Variants in ERMP1 observed in about 807,000 individuals in gnomAD.
ERMP1 encodes endoplasmic reticulum metallopeptidase 1.
A neutral mutation model predicts 92.0 loss-of-function variants in ERMP1; 86 were observed. That is an observed-to-expected ratio of 0.93 (90% CI 0.79 to 1.12). The LOEUF is 1.12. Ranked by LOEUF, ERMP1 falls within the 50% of genes most tolerant of loss-of-function variation. ERMP1 has a pLI of 0.00. For missense variants in ERMP1, 1,342 were observed against 1,116.3 expected (o/e 1.20, Z -2.88); for synonymous variants, 530 against 412.8 (o/e 1.28, Z -3.44).
At chr9:5,791,162 G>A (rs1172434262) in intron 13 of ERMP1, 1 of 454,594 alleles carries the variant, frequency 2.2e-6, no homozygotes. Context: ...GAAACCAACA[G>A]GATGTGTACA....
At chr9:5,803,812 G>A (rs931235691) in intron 10 of ERMP1, among the ~76,000 whole-genome samples, 1 of 152,028 alleles carries the variant, frequency 6.6e-6, no homozygotes, top group African/African-American at 2.4e-5. Context: ...TACCAATAAG[G>A]ATTATCCTTA....
At chr9:5,821,632 A>G (rs1327070827) in intron 4 of ERMP1, among the ~76,000 whole-genome samples, 1 of 152,218 alleles carries the variant, frequency 6.6e-6, no homozygotes, top group Non-Finnish European at 1.5e-5. Flanking sequence ...CGTACATAAA[A>G]TACTTATGCA....
intron 2 of ERMP1, among the ~76,000 whole-genome samples, chr9:5,828,139 T>C (rs1829797147): frequency 1.3e-5 from 2 of 152,136 alleles, no homozygotes; most frequent in African/African-American, 4.8e-5. Flanking sequence ...TCTCTATTAT[T>C]TAAAACATAA....
At position 5,838,961 on chromosome 9, in the gene ERMP1, G is replaced by C. The variant is rs141027758; in HGVS notation, n.3200-5649C>G. On this transcript the variant is annotated intron_variant and non_coding_transcript_variant, in intron 6 of 6. Coordinates refer to the ERMP1 transcript ENST00000690753. Reference sequence around the variant, plus strand: ...TTCCACCATTTCTGCCATGAGTTCAGTGTTCCCTTTAAGAGCCATGGGCCT... The same window carrying C: ...TTCCACCATTTCTGCCATGAGTTCACTGTTCCCTTTAAGAGCCATGGGCCT... Among the ~76,000 whole-genome samples, 98 of 152,278 alleles carry C rather than the reference G, an allele frequency of 6.4e-4. 2 individuals are homozygous for C. The highest frequency in any genetic ancestry group is 1.0e-3 in the South Asian group (5 of 4,820).
At chr9:5,840,166 TG>T (rs1356956005) in intron 6 of ERMP1, among the ~76,000 whole-genome samples, 3 of 152,000 alleles carry the variant, frequency 2.0e-5, no homozygotes, top group African/African-American at 7.3e-5. Flanking sequence ...CACTCGAACC[TG>T]GGAAGCTGAG....
At chr9:5,840,189 C>G (rs935054988) in intron 6 of ERMP1, among the ~76,000 whole-genome samples, 5 of 152,106 alleles carry the variant, frequency 3.3e-5, no homozygotes, top group African/African-American at 1.2e-4. Flanking sequence ...TTGCAGCGAG[C>G]TGTGATGACA....
intron 6 of ERMP1, among the ~76,000 whole-genome samples, chr9:5,844,645 C>T (rs1830213099): frequency 6.6e-6 from 1 of 152,196 alleles, no homozygotes; most frequent in Non-Finnish European, 1.5e-5. Flanking sequence ...TTGCGGAGAA[C>T]TGTCAAGGAG....
At chr9:5,798,360 G>C (rs1220408994) in intron 12 of ERMP1, among the ~76,000 whole-genome samples, 1 of 152,078 alleles carries the variant, frequency 6.6e-6, no homozygotes, top group Non-Finnish European at 1.5e-5. Flanking sequence ...GGGATTACAG[G>C]CATGCACCAC....
At chr9:5,813,312 A>G (rs144470521) in intron 4 of ERMP1, among the ~76,000 whole-genome samples, 171 of 152,328 alleles carry the variant, frequency 1.1e-3, no homozygotes, top group African/African-American at 3.7e-3. Flanking sequence ...TCATCCTAAA[A>G]TGCCTATTAT....
At chr9:5,862,394 G>A (rs1016005034) in intron 5 of ERMP1, among the ~76,000 whole-genome samples, 1 of 150,214 alleles carries the variant, frequency 6.7e-6, no homozygotes, top group South Asian at 2.1e-4. Context: ...GTGCAGTGGT[G>A]CAATCATAGC....
At chr9:5,832,060 C>A (rs556589167) in intron 1 of ERMP1, among the ~76,000 whole-genome samples, 1 of 151,642 alleles carries the variant, frequency 6.6e-6, no homozygotes, top group Non-Finnish European at 1.5e-5. Flanking sequence ...GACTTAATCA[C>A]CTTTCCTAGC....
Position 5,832,682 on chromosome 9 carries a change from G to A in ERMP1, c.338+8C>T. ...GCGCGGGCCGTGCCAGGAGGGAGCG[G>A]CCGGTACCTGGCTTGGAGCGCGTCG... On this transcript the variant is annotated splice_region_variant and intron_variant, in intron 1 of 14. Transcript: ENST00000339450. 2 of 1,427,218 alleles carry A rather than the reference G, an allele frequency of 1.4e-6. No homozygotes were observed. Among genetic ancestry groups the A allele is most frequent in the Non-Finnish European group, 1.8e-6 (2 of 1,096,852 alleles). The allele number at this position is 1,427,218 out of a possible 1,614,324, so 88.4% of individuals were successfully genotyped here.
At chr9:5,807,826 C>G (rs1828926083) in intron 8 of ERMP1, among the ~76,000 whole-genome samples, 1 of 152,074 alleles carries the variant, frequency 6.6e-6, no homozygotes, top group African/African-American at 2.4e-5. Context: ...CAAAATTCAT[C>G]TCGCCTCCCC....
chr9:5,844,425 C>A lies in ERMP1; in HGVS notation n.3200-11113G>T, dbSNP rs1830208892. Among the ~76,000 whole-genome samples the A allele has an allele frequency of 3.9e-5, 6 of 152,158 alleles. No homozygotes were observed. The South Asian group carries it at 1.2e-3, about 32-fold the overall frequency. ...GAGTAGCTCTTATTATAGGCATGTA[C>A]CACCATGCCTGGCTAATTTTTGTAT... is the stretch of plus-strand genomic sequence containing the variant. On this transcript the variant is annotated intron_variant and non_coding_transcript_variant, in intron 6 of 6. Coordinates refer to the ERMP1 transcript ENST00000690753.
chr9:5,804,810 T>C (rs1351167401), intron 10 of ERMP1, among the ~76,000 whole-genome samples: 2 of 151,942 alleles, frequency 1.3e-5, no homozygotes, highest in African/African-American at 4.8e-5. Flanking sequence ...TTTGGAAGGA[T>C]AGGGAGGCAA....
chr9:5,839,575 T>C (rs1291835165), intron 6 of ERMP1, among the ~76,000 whole-genome samples: 5 of 152,162 alleles, frequency 3.3e-5, no homozygotes, highest in Admixed American at 1.3e-4. Flanking sequence ...AGAGTTTACA[T>C]TGCCAGAGCT....
At position 5,812,871 on chromosome 9, in the gene ERMP1, T is replaced by C. The variant is rs1829154520; in HGVS notation, c.1021+18A>G. On this transcript the variant is annotated intron_variant, in intron 5 of 14. Transcript: ENST00000339450. ...TAAATAAATGCTGCACAGTAGGCCG[T>C]AACCATTGACAATATACCTGGAATG... 6.2e-7 allele frequency: 1 copy of C among 1,613,700 alleles called. No homozygotes were observed. Among genetic ancestry groups the C allele is most frequent in the Non-Finnish European group, 8.5e-7 (1 of 1,179,744 alleles).
Position 5,838,803 on chromosome 9 carries a change from CA to C in ERMP1, n.3200-5492del, listed in dbSNP as rs796809960. On this transcript the variant is annotated intron_variant and non_coding_transcript_variant, in intron 6 of 6. Coordinates refer to the ERMP1 transcript ENST00000690753. ...CTCACATTATAAATATTAAGAGAAA[CA>C]AAAAAAAAAGACACAAAATGGAAAT... Among the ~76,000 whole-genome samples, 106 of 142,388 alleles carry C rather than the reference CA, an allele frequency of 7.4e-4. No homozygotes were observed. In the Middle Eastern group the frequency reaches 0.014, roughly 19 times the overall value. The allele number at this position is 142,388 out of a possible 152,430, so 93.4% of individuals were successfully genotyped here.
At chr9:5,818,888 G>A (rs1364660708) in intron 4 of ERMP1, among the ~76,000 whole-genome samples, 1 of 152,164 alleles carries the variant, frequency 6.6e-6, no homozygotes, top group Non-Finnish European at 1.5e-5. Flanking sequence ...GTATGAAAAT[G>A]ACTGCTTATA....
Sources: allele counts gnomAD v4.1 joint callset (sites outside exome capture counted in the v4.1 genomes callset), GRCh38; gene constraint gnomAD v4.1.1; transcripts MANE v1.5; gene names NCBI Gene and HGNC (gene_info 2026-07-23, HGNC 2026-07-21).